The following SACS variants were observed in gnomAD, a reference collection of about 807,000 sequenced individuals.
The protein encoded by SACS is sacsin molecular chaperone.
Under a neutral mutation model 348.0 loss-of-function variants are expected in SACS, and 197 were observed. The ratio of observed to expected loss-of-function variants is 0.57; its 90% CI spans 0.50 to 0.64. The LOEUF is 0.64. Ranked by LOEUF, SACS falls within the 30% of genes least tolerant of loss-of-function variation. The pLI is 0.00. For synonymous variants in SACS, 1,985 were observed against 1,910.6 expected, an observed-to-expected ratio of 1.04 and a Z score of -1.02; for missense variants, 4,999 against 5,360.8, an observed-to-expected ratio of 0.93 and a Z score of 2.11.
At chr13:23,350,752 G>C (rs1274834440) in intron 9 of SACS, among the ~76,000 whole-genome samples, 3 of 152,056 alleles carry the variant, frequency 2.0e-5, no homozygotes, top group Non-Finnish European at 4.4e-5. Context: ...TATATGAAGG[G>C]GGCTCCATAA....
rs1342701745 is a variant in SACS at position 23,355,623 on chromosome 13, A to G, written c.989T>C (p.Val330Ala). 6.2e-7 allele frequency: 1 copy of G among 1,614,064 alleles called. No homozygotes were observed. Among genetic ancestry groups the G allele is most frequent in the Admixed American group, 1.7e-5 (1 of 59,994 alleles). The change falls in exon 8 of 10, where the codon GTG becomes GCG. Residue 330 changes from valine (V) to alanine (A), a missense_variant. Transcript: ENST00000382292. The part of the protein sequence containing the change: ...VREADGTEKL[V>A]FRVTSSESKA... ...ACTCTCACTCGAAGTCACTCTAAAC[A>G]CCAGTTTCTCTGTTCCGTCAGCCTC...
At chr13:23,361,680 G>A (rs1870742420) in intron 6 of SACS, among the ~76,000 whole-genome samples, 1 of 152,076 alleles carries the variant, frequency 6.6e-6, no homozygotes, top group South Asian at 2.1e-4. Flanking sequence ...AGGAGGCTAA[G>A]GCAGGAGAAT....
chr13:23,334,715 T>G lies in SACS; in HGVS notation c.9161A>C (p.Asn3054Thr), dbSNP rs1204872909. 6.2e-7 allele frequency: 1 copy of G among 1,613,656 alleles called. No homozygotes were observed. The highest frequency in any genetic ancestry group is 1.3e-5 in the African/African-American group (1 of 74,908). Residue 3054 changes from asparagine (N) to threonine (T), a missense_variant, in exon 10 of 10, where the codon AAT (asparagine) becomes ACT (threonine). Physicochemically the swap from Asn to Thr is moderately conservative, Grantham distance 65. Coordinates refer to ENST00000382292, the MANE Select transcript of SACS (RefSeq NM_014363.6). ...AAGGAGATGTTTCAGCCTATAGACA[T>G]TCTCTGCTACTGTTTTGCGTGTGGT... Reference protein sequence around the residue: ...NITTRKTVAENVYRLKHLLLE... With the variant: ...NITTRKTVAETVYRLKHLLLE...
chr13:23,350,304 C>T (rs975622242), intron 9 of SACS, among the ~76,000 whole-genome samples: 1 of 152,188 alleles, frequency 6.6e-6, no homozygotes, highest in Non-Finnish European at 1.5e-5. Flanking sequence ...TAAGACAACT[C>T]TTTCCGGAAG....
Position 23,338,890 on chromosome 13 carries a change from C to G in SACS, c.4986G>C (p.Thr1662=), listed in dbSNP as rs755523201. 6 of 1,612,920 alleles carry G rather than the reference C, an allele frequency of 3.7e-6. No individual in the cohort carries two copies. The highest frequency in any genetic ancestry group is 5.1e-6 in the Non-Finnish European group (6 of 1,179,664). The part of the protein sequence containing the change: ...QEAKVSEVSS[T]CYNTADIYSL... The stretch of plus-strand genomic sequence containing the variant: ...AATAAATATCTGCTGTATTGTAGCA[C>G]GTACTACTAACTTCACTCACTTTTG... Residue 1662 remains threonine (T), a synonymous_variant, in exon 10 of 10, where the codon ACG becomes ACC. Coordinates refer to ENST00000382292, the MANE Select transcript of SACS (RefSeq NM_014363.6).
intron 6 of SACS, among the ~76,000 whole-genome samples, chr13:23,358,901 G>C (rs911091450): frequency 2.0e-5 from 3 of 152,116 alleles, no homozygotes; most frequent in African/African-American, 7.2e-5. Flanking sequence ...GCTGGGCGCA[G>C]TGGCTCATGC....
Position 23,333,030 on chromosome 13 carries a change from A to G in SACS, c.10846T>C (p.Trp3616Arg). Residue 3616 changes from tryptophan to arginine, a missense_variant, in exon 10 of 10, where the codon TGG becomes CGG. Coordinates refer to ENST00000382292, the MANE Select transcript of SACS (RefSeq NM_014363.6). ...EISVRANTENWSKETLQNTVD... is the reference protein window; with the variant it reads ...EISVRANTENRSKETLQNTVD... Reference sequence around the variant, plus strand: ...GTATTTTGCAATGTTTCTTTGGACCAGTTTTCTGTATTAGCCCTCACACTG... The same window carrying G: ...GTATTTTGCAATGTTTCTTTGGACCGGTTTTCTGTATTAGCCCTCACACTG... The G allele has an allele frequency of 6.2e-7, 1 of 1,613,994 alleles. No homozygotes were observed. The highest frequency in any genetic ancestry group is 2.2e-5 in the East Asian group (1 of 44,876).
chr13:23,421,015 G>C (rs1423641765), intron 1 of SACS, among the ~76,000 whole-genome samples: 1 of 151,958 alleles, frequency 6.6e-6, no homozygotes, highest in African/African-American at 2.4e-5. Flanking sequence ...CTGGCACCTG[G>C]TGTCTGCCTG....
At chr13:23,352,309 C>T (rs897057388) in intron 9 of SACS, among the ~76,000 whole-genome samples, 1 of 152,242 alleles carries the variant, frequency 6.6e-6, no homozygotes, top group African/African-American at 2.4e-5. Context: ...GGATGAATCT[C>T]ACCAGCATCA....
chr13:23,339,405 T>C lies in SACS; in HGVS notation c.4471A>G (p.Thr1491Ala), dbSNP rs1313379519. ...ATATCAATCAAGAAACTGCATTCTGTTGCATTTGCATCATCAGCGTTTTGA... is the reference window on the plus strand; with the variant it reads ...ATATCAATCAAGAAACTGCATTCTGCTGCATTTGCATCATCAGCGTTTTGA... ...LLQNADDANA[T>A]ECSFLIDMRR... The change falls in exon 10 of 10, where the codon ACA (threonine) becomes GCA (alanine). Residue 1491 changes from threonine (T) to alanine (A), a missense_variant. Coordinates refer to ENST00000382292, the MANE Select transcript of SACS (RefSeq NM_014363.6). The C allele has an allele frequency of 6.2e-7, 1 of 1,611,260 alleles. No homozygotes were observed. The highest frequency in any genetic ancestry group is 2.2e-5 in the East Asian group (1 of 44,860).
Position 23,338,813 on chromosome 13 carries a change from T to G in SACS, c.5063A>C (p.Gln1688Pro). Residue 1688 changes from glutamine to proline, a missense_variant, in exon 10 of 10, where the codon CAG (glutamine) becomes CCG (proline). By Grantham distance (76) the Gln-to-Pro change is moderately conservative (BLOSUM62 -1). This residue lies in a region of SACS where 3,156 missense variants were observed against 3,380.1 expected (regional missense o/e 0.93). Coordinates refer to ENST00000382292, the MANE Select transcript of SACS (RefSeq NM_014363.6). ...LCGHRLIIFT[Q>P]SVKSMYLKYL... ...CTTCAAATACATTGACTTTACACTC[T>G]GAGTGAAAATGATAAGCCTGTGTCC... 1 of 1,613,066 alleles carries G rather than the reference T, an allele frequency of 6.2e-7. No homozygotes were observed. Among genetic ancestry groups the G allele is most frequent in the South Asian group, 1.1e-5 (1 of 90,986 alleles).
In SACS at chr13:23,341,780, C is replaced by CTTTTTTTTTTTT. The variant is rs4068499; in HGVS notation, c.2186-102_2186-91dup. The CTTTTTTTTTTTT allele has an allele frequency of 1.3e-5, 3 of 227,956 alleles. No homozygotes were observed. The African/African-American group carries it at 1.3e-4, about 10-fold the overall frequency. 14.1% of individuals were successfully genotyped at this position (227,956 alleles called of 1,614,324 possible). Reference sequence around the variant, plus strand: ...ACAAATAACACAGTACTGGAAGGTTCTTTTTTTTTTTTTTTTTTTTTTTTT... The same window carrying CTTTTTTTTTTTT: ...ACAAATAACACAGTACTGGAAGGTTCTTTTTTTTTTTTTTTTTTTTTTTTTTTTTTTTTTTTT... On this transcript the variant is annotated intron_variant, in intron 9 of 9. Coordinates refer to ENST00000382292, the MANE Select transcript of SACS (RefSeq NM_014363.6).
chr13:23,332,096 G>C lies in SACS; in HGVS notation c.11780C>G (p.Ala3927Gly), dbSNP rs142926244. 1.2e-6 allele frequency: 2 copies of C among 1,613,934 alleles called. No homozygotes were observed. The highest frequency in any genetic ancestry group is 1.7e-6 in the Non-Finnish European group (2 of 1,179,942). Reference sequence around the variant, plus strand: ...CTGGATTCTACTTTTATAATGTGGCGCATCGTCAAACACTAAGATGCTTGA... The same window carrying C: ...CTGGATTCTACTTTTATAATGTGGCCCATCGTCAAACACTAAGATGCTTGA... ...VKSSILVFDDAPHYKSRIQGN... is the reference protein window; with the variant it reads ...VKSSILVFDDGPHYKSRIQGN... The change falls in exon 10 of 10, where the codon GCG (alanine) becomes GGG (glycine). Residue 3927 changes from alanine (A) to glycine (G), a missense_variant. Coordinates refer to ENST00000382292, the MANE Select transcript of SACS (RefSeq NM_014363.6).
rs1018919461 is a variant in SACS, at chr13:23,337,869, C to T, written c.6007G>A (p.Asp2003Asn). The change falls in exon 10 of 10, where the codon GAT (aspartate) becomes AAT (asparagine). Residue 2003 changes from aspartate to asparagine, a missense_variant. By Grantham distance (23) the Asp-to-Asn change is conservative. This residue lies in a region of SACS where 3,156 missense variants were observed against 3,380.1 expected (regional missense o/e 0.93). Coordinates refer to ENST00000382292, the MANE Select transcript of SACS (RefSeq NM_014363.6). Reference sequence around the variant, plus strand: ...ATCTTGAAGGCTGCTGAACCAACATCTCTTCTTTTAAGTATAGAGTCATCT... The same window carrying T: ...ATCTTGAAGGCTGCTGAACCAACATTTCTTCTTTTAAGTATAGAGTCATCT... ...FLDDSILKRR[D>N]VGSAAFKIFL... 1 of 1,613,806 alleles carries T rather than the reference C, an allele frequency of 6.2e-7. No homozygotes were observed. The highest frequency in any genetic ancestry group is 1.3e-5 in the African/African-American group (1 of 74,924).
Position 23,338,296 on chromosome 13 carries a change from C to A in SACS, c.5580G>T (p.Lys1860Asn). 1.2e-6 allele frequency: 2 copies of A among 1,614,152 alleles called. No homozygotes were observed. Among genetic ancestry groups the A allele is most frequent in the Non-Finnish European group, 8.5e-7 (1 of 1,180,014 alleles). The change falls in exon 10 of 10, where the codon AAG becomes AAT. Residue 1860 changes from lysine (K) to asparagine (N), a missense_variant. Transcript: ENST00000382292. ...GVQLSEIQDQ[K>N]WTVKPHIGEV... ...CTCCAATGTGTGGTTTCACTGTCCA[C>A]TTCTGGTCCTGGATTTCTGACAGCT...
chr13:23,418,612 T>C (rs554583539), intron 1 of SACS, among the ~76,000 whole-genome samples: 1 of 152,220 alleles, frequency 6.6e-6, no homozygotes, highest in South Asian at 2.1e-4. Context: ...TTCTAGTGAT[T>C]TGCCTGCCTC....
At chr13:23,378,258 A>G (rs1289405964) in intron 2 of SACS, among the ~76,000 whole-genome samples, 1 of 152,182 alleles carries the variant, frequency 6.6e-6, no homozygotes, top group Non-Finnish European at 1.5e-5. Flanking sequence ...AAAGAAAATT[A>G]ACCAGTGAGG....
chr13:23,378,919 G>GA (rs35530718), intron 2 of SACS, among the ~76,000 whole-genome samples: 2 of 152,168 alleles, frequency 1.3e-5, no homozygotes, highest in South Asian at 4.1e-4. Flanking sequence ...TGAATACACT[G>GA]AAAAAAGGAA....
intron 9 of SACS, among the ~76,000 whole-genome samples, chr13:23,352,163 C>A (rs149535056): frequency 0.014 from 2,067 of 152,206 alleles, 50 homozygotes; most frequent in African/African-American, 0.048. Context: ...AACTTTTGGC[C>A]GATTTCCAAA....
Sources: allele counts gnomAD v4.1 joint callset (sites outside exome capture counted in the v4.1 genomes callset), GRCh38; gene constraint gnomAD v4.1.1; regional missense constraint gnomAD v4.1.1; transcripts MANE v1.5; gene names NCBI Gene and HGNC (gene_info 2026-07-23, HGNC 2026-07-21).